Variants in RBFOX1 observed in about 807,000 individuals in gnomAD.
The protein encoded by RBFOX1 is RNA binding fox-1 homolog 1.
In RBFOX1, 8 loss-of-function variants were observed where a neutral mutation model predicts 57.7. The ratio of observed to expected loss-of-function variants is 0.14; its 90% CI spans 0.08 to 0.25. The LOEUF (loss-of-function observed/expected upper bound fraction) is 0.25, where lower values mean the gene tolerates loss of function less well. RBFOX1 is among the 10% of genes least tolerant of loss of function. The pLI is 1.00. For synonymous variants in RBFOX1, 326 were observed against 222.4 expected, an observed-to-expected ratio of 1.47 and a Z score of -4.15; for missense variants, 611 against 548.5, an observed-to-expected ratio of 1.11 and a Z score of -1.14.
At chr16:6,850,225 C>G (rs890001625) in intron 3 of RBFOX1, among the ~76,000 whole-genome samples, 12 of 152,130 alleles carry the variant, frequency 7.9e-5, no homozygotes, top group South Asian at 6.2e-4. Context: ...AATGATTCCT[C>G]TTTTGGGGCG....
At chr16:6,656,004 G>A (rs964610390) in intron 3 of RBFOX1, among the ~76,000 whole-genome samples, 4 of 152,164 alleles carry the variant, frequency 2.6e-5, no homozygotes, top group Admixed American at 6.5e-5. Context: ...TTCAATCTGC[G>A]TGATCCCAGC....
intron 2 of RBFOX1, among the ~76,000 whole-genome samples, chr16:5,493,078 A>T (rs755154324): frequency 1.3e-5 from 2 of 152,358 alleles, no homozygotes; most frequent in East Asian, 1.9e-4. Context: ...CTTTCATGTT[A>T]TGGTAGCAGA....
At chr16:7,491,265 CGACTTTGGTT>C (rs1306350701) in intron 4 of RBFOX1, among the ~76,000 whole-genome samples, 2 of 151,894 alleles carry the variant, frequency 1.3e-5, no homozygotes, top group Non-Finnish European at 2.9e-5. Context: ...TCCTTATCTG[CGACTTTGGTT>C]GACTGTAAAT....
At chr16:6,697,311 G>T (rs970693348) in intron 3 of RBFOX1, among the ~76,000 whole-genome samples, 3 of 152,028 alleles carry the variant, frequency 2.0e-5, no homozygotes, top group Non-Finnish European at 2.9e-5. Flanking sequence ...CTTGACTTTG[G>T]TCACTAAGCT....
intron 1 of RBFOX1, among the ~76,000 whole-genome samples, chr16:5,336,442 C>T (rs1007311241): frequency 6.6e-6 from 1 of 152,124 alleles, no homozygotes; most frequent in Non-Finnish European, 1.5e-5. Flanking sequence ...ACAGGACTTC[C>T]GTTGCCGAGG....
intron 3 of RBFOX1, among the ~76,000 whole-genome samples, chr16:7,002,066 C>G (rs543087711): frequency 1.3e-5 from 2 of 152,016 alleles, no homozygotes; most frequent in South Asian, 4.2e-4. Flanking sequence ...CCGAGAGATT[C>G]CTGGGGGACT....
chr16:5,605,834 G>T (rs1296336867), intron 3 of RBFOX1, among the ~76,000 whole-genome samples: 1 of 152,048 alleles, frequency 6.6e-6, no homozygotes, highest in African/African-American at 2.4e-5. Flanking sequence ...CTCTTGAATG[G>T]TAATGTCTGC....
rs112915405 is a variant in RBFOX1, at chr16:5,710,550, C to T, written c.318+111589C>T. Among the ~76,000 whole-genome samples, 1,296 of 152,298 alleles carry T rather than the reference C, an allele frequency of 8.5e-3. 24 individuals carry two copies. The highest frequency in any genetic ancestry group is 0.029 in the African/African-American group (1,214 of 41,550). ...GCCTGGCACATGGGTTCTCTCAAGG[C>T]AGCTTCCCAATTAATCTTTTCTTCT... is the stretch of plus-strand genomic sequence containing the variant. On this transcript the variant is annotated intron_variant, in intron 3 of 19. Transcript: ENST00000641259.
At chr16:6,590,085 C>A (rs113072134) in intron 2 of RBFOX1, among the ~76,000 whole-genome samples, 2 of 152,190 alleles carry the variant, frequency 1.3e-5, no homozygotes, top group African/African-American at 4.8e-5. Flanking sequence ...ACAGTGACAA[C>A]TGAGAGAAGA....
chr16:5,913,994 C>T (rs910188062), intron 4 of RBFOX1, among the ~76,000 whole-genome samples: 7 of 152,332 alleles, frequency 4.6e-5, no homozygotes, highest in Non-Finnish European at 7.3e-5. Context: ...TCCTTAGAGC[C>T]ATCCAACTTG....
intron 14 of RBFOX1, among the ~76,000 whole-genome samples, chr16:7,696,410 T>G (rs2078806914): frequency 6.6e-6 from 1 of 152,036 alleles, no homozygotes; most frequent in Admixed American, 6.5e-5. Flanking sequence ...TTTTCCCTTC[T>G]TAGACGGGAG....
At chr16:6,076,888 G>C (rs912155645) in intron 1 of RBFOX1, among the ~76,000 whole-genome samples, 18 of 152,132 alleles carry the variant, frequency 1.2e-4, no homozygotes, top group African/African-American at 4.3e-4. Context: ...CCAAAGCTCT[G>C]GCTCAAGGTG....
chr16:6,405,902 C>T (rs2093263250), intron 2 of RBFOX1, among the ~76,000 whole-genome samples: 1 of 152,174 alleles, frequency 6.6e-6, no homozygotes, highest in Admixed American at 6.5e-5. Context: ...CTCCTTTCCA[C>T]AGAATAAAAT....
chr16:6,800,602 G>A (rs1364545227), intron 3 of RBFOX1, among the ~76,000 whole-genome samples: 1 of 152,212 alleles, frequency 6.6e-6, no homozygotes, highest in East Asian at 1.9e-4. Context: ...TGGTTAAAGA[G>A]CAAATTCAGG....
chr16:5,362,267 T>G (rs1234506099), intron 1 of RBFOX1, among the ~76,000 whole-genome samples: 1 of 151,756 alleles, frequency 6.6e-6, no homozygotes, highest in Admixed American at 6.6e-5. Context: ...CTCAGCTCAC[T>G]GCAGCCTCCG....
intron 3 of RBFOX1, among the ~76,000 whole-genome samples, chr16:6,969,979 T>G (rs1394749202): frequency 1.3e-5 from 2 of 151,964 alleles, no homozygotes; most frequent in Non-Finnish European, 2.9e-5. Flanking sequence ...TTATGTAATA[T>G]AAAGTCCTTA....
At chr16:6,685,278 T>TC (rs1280575043) in intron 3 of RBFOX1, among the ~76,000 whole-genome samples, 33 of 103,224 alleles carry the variant, frequency 3.2e-4, no homozygotes, top group Admixed American at 1.2e-3. Context: ...TTTTTCTTTT[T>TC]TTTTTTTTTT....
chr16:6,807,383 T>A (rs1456671488), intron 3 of RBFOX1, among the ~76,000 whole-genome samples: 2 of 152,130 alleles, frequency 1.3e-5, no homozygotes, highest in Non-Finnish European at 2.9e-5. Flanking sequence ...CAAGTTGATT[T>A]CTGCATTTAG....
intron 4 of RBFOX1, among the ~76,000 whole-genome samples, chr16:5,926,907 T>A (rs2058950892): frequency 6.6e-6 from 1 of 152,198 alleles, no homozygotes; most frequent in Non-Finnish European, 1.5e-5. Flanking sequence ...CTGAAGTTTA[T>A]ACAGTTTGGG....
Sources: allele counts gnomAD v4.1 joint callset (sites outside exome capture counted in the v4.1 genomes callset), GRCh38; gene constraint gnomAD v4.1.1; transcripts MANE v1.5; gene names NCBI Gene and HGNC (gene_info 2026-07-23, HGNC 2026-07-21).